The following ALG10B variants were observed in gnomAD, a reference collection of about 807,000 sequenced individuals.
The protein encoded by ALG10B is ALG10 alpha-1,2-glucosyltransferase B.
ALG10B carries 27 observed loss-of-function variants against 38.7 expected under a neutral mutation model. The ratio of observed to expected loss-of-function variants is 0.70; its 90% CI spans 0.51 to 0.96. ALG10B has a LOEUF of 0.96. ALG10B is among the 40% of genes least tolerant of loss of function. ALG10B has a pLI of 0.00. For synonymous variants in ALG10B, 177 were observed against 193.3 expected (o/e 0.92, Z 0.70); for missense variants, 522 against 542.7 (o/e 0.96, Z 0.38).
intron 1 of ALG10B, 64 bp from the exon 2 acceptor site, chr12:38,318,197 C>G: frequency 6.3e-7 from 1 of 1,591,444 alleles, no homozygotes; most frequent in Non-Finnish European, 8.6e-7. Flanking sequence ...TTGGGCTTGA[C>G]ATATTTGTGT....
At position 38,329,142 on chromosome 12, in the gene ALG10B, A is replaced by C. The variant is rs1380505771; in HGVS notation, c.*7929A>C. On this transcript the variant is annotated 3_prime_UTR_variant, in exon 3 of 3. Transcript: ENST00000308742. ...CGCAAGTAATGTGATTATACTTCCT[A>C]GTTTTATAGGTCAGAAAAATGAGGT... 2.5e-6 allele frequency: 1 copy of C among 398,132 alleles called. No individual in the cohort carries two copies. Among genetic ancestry groups the C allele is most frequent in the South Asian group, 1.3e-4 (1 of 7,854 alleles). The allele number at this position is 398,132 out of a possible 1,614,324, so 24.7% of individuals were successfully genotyped here. A position where few individuals can be genotyped will look rare whatever the true frequency, so the allele number is the denominator to read the frequency against.
Position 38,329,384 on chromosome 12 carries a change from A to G in ALG10B, c.*8171A>G, listed in dbSNP as rs2120529054. On this transcript the variant is annotated 3_prime_UTR_variant, in exon 3 of 3. Transcript: ENST00000308742. ...ATGAATGATTCCAGTTAACAAATGG[A>G]GAAATAGTTGTTTGAAAATTAATAT... 1.5e-5 allele frequency: 6 copies of G among 394,980 alleles called. No homozygotes were observed. The highest frequency in any genetic ancestry group is 2.7e-5 in the Non-Finnish European group (6 of 224,220). 24.5% of individuals were successfully genotyped at this position (394,980 alleles called of 1,614,324 possible).
rs927013845 is a variant in ALG10B, at chr12:38,328,930, G to A, written c.*7717G>A. The A allele has an allele frequency of 1.5e-5, 5 of 324,520 alleles. No homozygotes were observed. The highest frequency in any genetic ancestry group is 1.6e-4 in the South Asian group (1 of 6,386). The allele number at this position is 324,520 out of a possible 1,614,324, so 20.1% of individuals were successfully genotyped here. ...ATAACAACTCTATGAGATCAGTACC[G>A]TACACATGGGGAAACTTAGTATAGA... On this transcript the variant is annotated 3_prime_UTR_variant, in exon 3 of 3. Transcript: ENST00000308742.
Position 38,327,553 on chromosome 12 carries a change from G to A in ALG10B, c.*6340G>A, listed in dbSNP as rs1945755642. The A allele has an allele frequency of 3.9e-5, 6 of 152,280 alleles. No homozygotes were observed. The South Asian group carries it at 1.2e-3, about 32-fold the overall frequency. The allele number at this position is 152,280 out of a possible 1,614,324, so 9.4% of individuals were successfully genotyped here. On this transcript the variant is annotated 3_prime_UTR_variant, in exon 3 of 3. Coordinates refer to ENST00000308742, the MANE Select transcript of ALG10B (RefSeq NM_001013620.4). The stretch of plus-strand genomic sequence containing the variant: ...GGTCAGGTCAGGTGATTTGCCCAAA[G>A]TCCACACTGTCACTAAATGAACATA...
chr12:38,323,876 T>C lies in ALG10B; in HGVS notation c.*2663T>C, dbSNP rs6582607. 0.38 allele frequency: 267,455 copies of C among 700,818 alleles called. 55,637 individuals carry two copies. The highest frequency in any genetic ancestry group is 0.46 in the Non-Finnish European group (175,772 of 384,400). 43.4% of individuals were successfully genotyped at this position (700,818 alleles called of 1,614,324 possible). ...TGTGTAATTTAGGGAAAGTAACTTT[T>C]TGTCTGATAATATTAATGCAAGGAT... On this transcript the variant is annotated 3_prime_UTR_variant, in exon 3 of 3. Coordinates refer to ENST00000308742, the MANE Select transcript of ALG10B (RefSeq NM_001013620.4).
In ALG10B at chr12:38,318,270, A is replaced by G. The variant is rs1449941173; in HGVS notation, c.181A>G (p.Met61Val). Residue 61 changes from methionine (M) to valine (V), a missense_variant, in exon 2 of 3, where the codon ATG (methionine) becomes GTG (valine). Physicochemically the swap from Met to Val is conservative, Grantham distance 21 (BLOSUM62 1). Coordinates refer to ENST00000308742, the MANE Select transcript of ALG10B (RefSeq NM_001013620.4). ...TTCTTTCATTTTAAAGTGGGATCCC[A>G]TGATTACTACATTACCTGGCTTGTA... is the stretch of plus-strand genomic sequence containing the variant. Reference protein sequence around the residue: ...GHFSLSQWDPMITTLPGLYLV... With the variant: ...GHFSLSQWDPVITTLPGLYLV... 1.9e-6 allele frequency: 3 copies of G among 1,614,002 alleles called. No individual in the cohort carries two copies. The highest frequency in any genetic ancestry group is 4.5e-5 in the East Asian group (2 of 44,870).
In ALG10B at chr12:38,316,780, C is replaced by T. The variant is rs570080512; in HGVS notation, c.-114C>T. 5.3e-4 allele frequency: 831 copies of T among 1,569,344 alleles called. 2 individuals carry two copies. The African/African-American group carries it at 0.01, about 20-fold the overall frequency. On this transcript the variant is annotated 5_prime_UTR_variant, in exon 1 of 3. Transcript: ENST00000308742. ...ATCCTTTGCCTTCCGGTATGTGGCC[C>T]CGTCTGGCTAGTCCTGTCTAGCGCG...
chr12:38,316,836 T>A lies in ALG10B; in HGVS notation c.-58T>A. On this transcript the variant is annotated 5_prime_UTR_variant, in exon 1 of 3. Coordinates refer to ENST00000308742, the MANE Select transcript of ALG10B (RefSeq NM_001013620.4). Reference sequence around the variant, plus strand: ...TTCGAGCCCAAGTTTCCAGCTCGGGTTTCCGGGCTCAGAATTTTCCAGGAG... The same window carrying A: ...TTCGAGCCCAAGTTTCCAGCTCGGGATTCCGGGCTCAGAATTTTCCAGGAG... 6.2e-7 allele frequency: 1 copy of A among 1,613,432 alleles called. No individual in the cohort carries two copies.
At position 38,316,874 on chromosome 12, in the gene ALG10B, C is replaced by T; in HGVS notation, c.-20C>T. ...AATTTTCCAGGAGTGGGTTCTTGGG[C>T]AGTGGCTGTGGGAGCAGGAATGGCG... On this transcript the variant is annotated 5_prime_UTR_variant, in exon 1 of 3. Coordinates refer to ENST00000308742, the MANE Select transcript of ALG10B (RefSeq NM_001013620.4). 6.2e-7 allele frequency: 1 copy of T among 1,614,048 alleles called. No individual in the cohort carries two copies.
rs1028273507 is a variant in ALG10B at position 38,320,798 on chromosome 12, T to A, written c.1007T>A (p.Leu336Ter). The change falls in exon 3 of 3, where the codon TTA (leucine) becomes TAA (stop). Residue 336 changes from leucine to a stop codon, truncating the protein, a stop_gained. Coordinates refer to ENST00000308742, the MANE Select transcript of ALG10B (RefSeq NM_001013620.4). LOFTEE classifies it high-confidence loss of function. ...FLVVTLVSVF[L>*]VWKFTYAHKY... ...GTGGTTACCTTAGTCTCTGTGTTTT[T>A]AGTTTGGAAATTCACTTATGCTCAT... 1.9e-6 allele frequency: 3 copies of A among 1,613,870 alleles called. No homozygotes were observed. The African/African-American group carries it at 4.0e-5, about 22-fold the overall frequency.
chr12:38,320,167 T>G lies in ALG10B; in HGVS notation c.376T>G (p.Ser126Ala), dbSNP rs2120490631. The change falls in exon 3 of 3, where the codon TCA (serine) becomes GCA (alanine). Residue 126 changes from serine to alanine, a missense_variant. By Grantham distance (99) the Ser-to-Ala change is moderately conservative (BLOSUM62 1). Transcript: ENST00000308742. ...HKVQPRNKAA[S>A]SIQRVLSTLT... is the part of the protein sequence containing the mutation. Reference sequence around the variant, plus strand: ...TGTTTTTTCTTCCTCCAAGGCTGCCTCAAGTATCCAGAGAGTCTTGTCAAC... The same window carrying G: ...TGTTTTTTCTTCCTCCAAGGCTGCCGCAAGTATCCAGAGAGTCTTGTCAAC... 1 of 1,614,032 alleles carries G rather than the reference T, an allele frequency of 6.2e-7. No individual in the cohort carries two copies. The highest frequency in any genetic ancestry group is 1.7e-4 in the Middle Eastern group (1 of 6,060).
chr12:38,328,998 G>T lies in ALG10B; in HGVS notation c.*7785G>T, dbSNP rs114491566. 2,442 of 389,680 alleles carry T rather than the reference G, an allele frequency of 6.3e-3. 55 individuals carry two copies. The highest frequency in any genetic ancestry group is 0.046 in the African/African-American group (2,221 of 48,562). The allele number at this position is 389,680 out of a possible 1,614,324, so 24.1% of individuals were successfully genotyped here. A position where few individuals can be genotyped will look rare whatever the true frequency, so the allele number is the denominator to read the frequency against. ...CCAAGATTACAAAATAACTGTCTGAGCTGGGATTCGTAACCAGGCAGCCTG... is the reference window on the plus strand; with the variant it reads ...CCAAGATTACAAAATAACTGTCTGATCTGGGATTCGTAACCAGGCAGCCTG... On this transcript the variant is annotated 3_prime_UTR_variant, in exon 3 of 3. Coordinates refer to ENST00000308742, the MANE Select transcript of ALG10B (RefSeq NM_001013620.4).
Position 38,326,372 on chromosome 12 carries a change from G to C in ALG10B, c.*5159G>C, listed in dbSNP as rs1035967909. The C allele has an allele frequency of 6.6e-6, 1 of 151,572 alleles. No individual in the cohort carries two copies. Among genetic ancestry groups the C allele is most frequent in the African/African-American group, 2.4e-5 (1 of 41,288 alleles). 9.4% of individuals were successfully genotyped at this position (151,572 alleles called of 1,614,324 possible). ...TTACTTGTAAACATGTTGTTTCTTT[G>C]ATAGGATATGATTTCAACATAATTA... is the stretch of plus-strand genomic sequence containing the variant. On this transcript the variant is annotated 3_prime_UTR_variant, in exon 3 of 3. Transcript: ENST00000308742.
In ALG10B at chr12:38,328,314, A is replaced by G. The variant is rs1945763082; in HGVS notation, c.*7101A>G. On this transcript the variant is annotated 3_prime_UTR_variant, in exon 3 of 3. Transcript: ENST00000308742. ...TTGACTCTATTACACCCTGTTTTAG[A>G]AAAACATTTGAGTTATACAACTTAC... 1 of 151,292 alleles carries G rather than the reference A, an allele frequency of 6.6e-6. No homozygotes were observed. The highest frequency in any genetic ancestry group is 2.5e-5 in the African/African-American group (1 of 40,632). 9.4% of individuals were successfully genotyped at this position (151,292 alleles called of 1,614,324 possible).
Position 38,320,876 on chromosome 12 carries a change from T to G in ALG10B, c.1085T>G (p.Val362Gly), listed in dbSNP as rs1212408258. The change falls in exon 3 of 3, where the codon GTT (valine) becomes GGT (glycine). Residue 362 changes from valine (V) to glycine (G), a missense_variant. By Grantham distance (109) the Val-to-Gly change is moderately radical. Coordinates refer to ENST00000308742, the MANE Select transcript of ALG10B (RefSeq NM_001013620.4). ...TATACTTTCTATGTGTGGAAAAGAG[T>G]TTTTCAAAGATATGCAATTCTGAAA... ...RHYTFYVWKRVFQRYAILKYL... is the reference protein window; with the variant it reads ...RHYTFYVWKRGFQRYAILKYL... 1 of 1,613,416 alleles carries G rather than the reference T, an allele frequency of 6.2e-7. No homozygotes were observed. Among genetic ancestry groups the G allele is most frequent in the Admixed American group, 1.7e-5 (1 of 59,928 alleles).
rs192035690 is a variant in ALG10B at position 38,321,461 on chromosome 12, C to T, written c.*248C>T. 3.1e-5 allele frequency: 10 copies of T among 322,362 alleles called. No homozygotes were observed. The East Asian group carries it at 3.2e-4, about 10-fold the overall frequency. 20.0% of individuals were successfully genotyped at this position (322,362 alleles called of 1,614,324 possible). ...AAAATTGTTTTCAGATATCTCATATCGCTCTCGTAATGTTGGCCCCTCACA... is the reference window on the plus strand; with the variant it reads ...AAAATTGTTTTCAGATATCTCATATTGCTCTCGTAATGTTGGCCCCTCACA... On this transcript the variant is annotated 3_prime_UTR_variant, in exon 3 of 3. Coordinates refer to ENST00000308742, the MANE Select transcript of ALG10B (RefSeq NM_001013620.4).
At position 38,320,739 on chromosome 12, in the gene ALG10B, T is replaced by C. The variant is rs868030800; in HGVS notation, c.948T>C (p.Leu316=). Residue 316 remains leucine, a synonymous_variant, in exon 3 of 3, where the codon CTT becomes CTC. Transcript: ENST00000308742. ...LLSPSKIKTF[L]SLVWKHGILF... ...CTCCTAGCAAAATTAAGACTTTTCTTTCCTTAGTTTGGAAACATGGAATTC... is the reference window on the plus strand; with the variant it reads ...CTCCTAGCAAAATTAAGACTTTTCTCTCCTTAGTTTGGAAACATGGAATTC... The C allele has an allele frequency of 3.1e-6, 5 of 1,614,016 alleles. No homozygotes were observed. The highest frequency in any genetic ancestry group is 1.7e-4 in the Middle Eastern group (1 of 6,060).
rs1181444357 is a variant in ALG10B, at chr12:38,326,705, A to G, written c.*5492A>G. ...GGAATAGCTGTTAATTATTTTTTAT[A>G]TAGGGCATTTTTATGTATTTAATGT... On this transcript the variant is annotated 3_prime_UTR_variant, in exon 3 of 3. Coordinates refer to ENST00000308742, the MANE Select transcript of ALG10B (RefSeq NM_001013620.4). 1 of 151,906 alleles carries G rather than the reference A, an allele frequency of 6.6e-6. No homozygotes were observed. The highest frequency in any genetic ancestry group is 1.5e-5 in the Non-Finnish European group (1 of 67,928). 9.4% of individuals were successfully genotyped at this position (151,906 alleles called of 1,614,324 possible). A position where few individuals can be genotyped will look rare whatever the true frequency, so the allele number is the denominator to read the frequency against.
Sources: allele counts gnomAD v4.1 joint callset, GRCh38; gene constraint gnomAD v4.1.1; transcripts MANE v1.5; gene names NCBI Gene and HGNC (gene_info 2026-07-23, HGNC 2026-07-21).